The following TBC1D1 variants were observed in gnomAD, a reference collection of about 807,000 sequenced individuals.
The protein encoded by TBC1D1 is TBC1 (tre-2/USP6, BUB2, cdc16) domain family, member 1.
Under a neutral mutation model 125.6 loss-of-function variants are expected in TBC1D1, and 89 were observed. The observed-to-expected ratio is 0.71, with a 90% CI of 0.60 to 0.85. The LOEUF (loss-of-function observed/expected upper bound fraction) is 0.85, where lower values mean the gene tolerates loss of function less well. Ranked by LOEUF, TBC1D1 falls within the 40% of genes least tolerant of loss-of-function variation. TBC1D1 has a pLI of 0.00. For synonymous variants in TBC1D1, 565 were observed against 564.1 expected (o/e 1.00, Z -0.02); for missense variants, 1,377 against 1,469.2 (o/e 0.94, Z 1.03).
chr4:37,951,128 T>C lies in TBC1D1; in HGVS notation c.417+48616T>C, dbSNP rs114506676. 3.2e-3 allele frequency among the ~76,000 whole-genome samples: 484 copies of C among 152,330 alleles called. 4 individuals carry two copies. The highest frequency in any genetic ancestry group is 0.011 in the African/African-American group (453 of 41,576). On this transcript the variant is annotated intron_variant, in intron 2 of 19. Transcript: ENST00000261439. Reference sequence around the variant, plus strand: ...ATAGCTGAACAATACAATGTACTTTTCCCCAGTTTGGCCTTGATGATTTGA... The same window carrying C: ...ATAGCTGAACAATACAATGTACTTTCCCCCAGTTTGGCCTTGATGATTTGA...
chr4:38,006,994 TA>T, intron 2 of TBC1D1: 1 of 424,018 alleles, frequency 2.4e-6, no homozygotes. Flanking sequence ...GGTGGTTCAC[TA>T]AACAGTGTCA....
rs563062175 is a variant in TBC1D1 at position 38,077,075 on chromosome 4, T to C, written c.2051-12857T>C. Among the ~76,000 whole-genome samples, 6 of 152,318 alleles carry C rather than the reference T, an allele frequency of 3.9e-5. No individual in the cohort carries two copies. In the East Asian group the frequency reaches 1.2e-3, roughly 29 times the overall value. ...CTACCTCTTAGGATGGTTCTTTCTG[T>C]AATAGCCTTTGTCATCACATCATCA... On this transcript the variant is annotated intron_variant, in intron 12 of 19. Transcript: ENST00000261439.
chr4:38,120,562 A>C (rs11939529), intron 17 of TBC1D1, among the ~76,000 whole-genome samples: 6,012 of 152,312 alleles, frequency 0.039, 397 homozygotes, highest in African/African-American at 0.14. Context: ...TTTGTTGACT[A>C]AGTAAAATAT....
rs1365220962 is a variant in TBC1D1 at position 38,052,192 on chromosome 4, TGTGCGCGCGC to T, written c.1911-2003_1911-1994del. The stretch of plus-strand genomic sequence containing the variant: ...CTGTGTGTGTGTGTGTGTGTGTGTG[TGTGCGCGCGC>T]GTGTGTGTCTTTGTTTATATTTTGT... On this transcript the variant is annotated intron_variant, in intron 11 of 19. Transcript: ENST00000261439. 1.7e-3 allele frequency: 1,060 copies of T among 626,060 alleles called. 7 individuals are homozygous for T. The African/African-American group carries it at 0.019, about 11-fold the overall frequency. The allele number at this position is 626,060 out of a possible 1,614,324, so 38.8% of individuals were successfully genotyped here.
chr4:37,996,790 C>G (rs980476656), intron 2 of TBC1D1, among the ~76,000 whole-genome samples: 1 of 152,170 alleles, frequency 6.6e-6, no homozygotes, highest in East Asian at 1.9e-4. Context: ...AAGATGGTGA[C>G]AGGGCTGTGG....
chr4:37,897,333 T>C (rs1349415081), intron 1 of TBC1D1, among the ~76,000 whole-genome samples: 1 of 152,232 alleles, frequency 6.6e-6, no homozygotes, highest in Non-Finnish European at 1.5e-5. Context: ...TATTGACAAG[T>C]AATGTAGATA....
rs535271218 is a variant in TBC1D1 at position 37,943,152 on chromosome 4, T to C, written c.417+40640T>C. On this transcript the variant is annotated intron_variant, in intron 2 of 19. Transcript: ENST00000261439. ...TGAAAATTATTTTCTTTAAGAATGTTGAATATTGGCCCCCACTCTCTTCTG... is the reference window on the plus strand; with the variant it reads ...TGAAAATTATTTTCTTTAAGAATGTCGAATATTGGCCCCCACTCTCTTCTG... Among the ~76,000 whole-genome samples, 78 of 152,380 alleles carry C rather than the reference T, an allele frequency of 5.1e-4. No individual in the cohort carries two copies. In the East Asian group the frequency reaches 0.011, roughly 22 times the overall value.
chr4:37,984,734 T>C (rs1455323510), intron 2 of TBC1D1, among the ~76,000 whole-genome samples: 1 of 151,562 alleles, frequency 6.6e-6, no homozygotes, highest in African/African-American at 2.4e-5. Flanking sequence ...TCCCAGCTAC[T>C]TGGGAGGCTG....
chr4:38,095,517 G>T (rs1010521690), intron 13 of TBC1D1, among the ~76,000 whole-genome samples: 16 of 152,140 alleles, frequency 1.1e-4, no homozygotes, highest in Non-Finnish European at 1.8e-4. Context: ...ATAAGAAAAC[G>T]ATCTTTGGAG....
intron 12 of TBC1D1, among the ~76,000 whole-genome samples, chr4:38,057,696 GC>G (rs1460035823): frequency 6.6e-6 from 1 of 152,196 alleles, no homozygotes; most frequent in African/African-American, 2.4e-5. Context: ...TTTATACTCT[GC>G]TAAGTGCTTT....
intron 13 of TBC1D1, among the ~76,000 whole-genome samples, chr4:38,093,273 A>C (rs926832296): frequency 1.3e-5 from 2 of 152,126 alleles, no homozygotes; most frequent in Non-Finnish European, 2.9e-5. Flanking sequence ...GGAAGTTCTT[A>C]TGGTTAAGCC....
intron 19 of TBC1D1, 91 bp from the exon 22 acceptor site, chr4:38,137,044 A>C: frequency 6.3e-6 from 10 of 1,590,938 alleles, no homozygotes; most frequent in Non-Finnish European, 8.6e-6. Context: ...TCGGCTCCAG[A>C]GTGCTCCCAA....
chr4:38,003,682 A>G (rs1477458791), intron 2 of TBC1D1, among the ~76,000 whole-genome samples: 1 of 152,038 alleles, frequency 6.6e-6, no homozygotes, highest in East Asian at 1.9e-4. Flanking sequence ...AGCTTGGGCA[A>G]TATGGTGAAA....
intron 12 of TBC1D1, among the ~76,000 whole-genome samples, chr4:38,085,473 G>A (rs1757329844): frequency 6.6e-6 from 1 of 152,204 alleles, no homozygotes; most frequent in East Asian, 1.9e-4. Flanking sequence ...CTACAGTTGG[G>A]CAGTCGGCGG....
At chr4:38,072,363 T>C (rs1578550585) in intron 12 of TBC1D1, among the ~76,000 whole-genome samples, 2 of 152,348 alleles carry the variant, frequency 1.3e-5, no homozygotes, top group South Asian at 2.1e-4. Context: ...GGCCAGAGTT[T>C]TAAATGTGGA....
At chr4:37,908,760 T>C (rs1717902340) in intron 2 of TBC1D1, among the ~76,000 whole-genome samples, 1 of 152,130 alleles carries the variant, frequency 6.6e-6, no homozygotes, top group African/African-American at 2.4e-5. Context: ...AAAAAGGAAG[T>C]CTTATTTCTT....
intron 18 of TBC1D1, among the ~76,000 whole-genome samples, chr4:38,125,754 C>G (rs1764534286): frequency 6.6e-6 from 1 of 152,126 alleles, no homozygotes; most frequent in Admixed American, 6.5e-5. Context: ...GGTGAATGCC[C>G]TGGGTTGGGC....
At chr4:38,021,794 T>TAAA in intron 6 of TBC1D1, 76 bp downstream of exon 6, 1 of 1,368,902 alleles carries the variant, frequency 7.3e-7, no homozygotes, top group Non-Finnish European at 9.5e-7. Context: ...GATACTCATC[T>TAAA]GTTGGAAGAT....
chr4:37,938,542 A>G (rs1019819119), intron 2 of TBC1D1, among the ~76,000 whole-genome samples: 9 of 152,206 alleles, frequency 5.9e-5, no homozygotes, highest in African/African-American at 2.2e-4. Context: ...TTATGTTTTT[A>G]TTATTATACC....
Sources: gnomAD v4.1 joint callset for allele counts (sites outside exome capture counted in the v4.1 genomes callset) on GRCh38, gnomAD v4.1.1 for gene constraint, MANE v1.5 for transcripts, NCBI Gene and HGNC (gene_info 2026-07-23, HGNC 2026-07-21) for gene names.